NELL1: variants seen among roughly 807,000 people sequenced by gnomAD.
NELL1 encodes the protein neural EGFL like 1, also known as protein kinase C-binding protein NELL1.
Under a neutral mutation model 107.4 loss-of-function variants are expected in NELL1, and 76 were observed. The observed-to-expected ratio is 0.71, with a 90% CI of 0.59 to 0.86. The LOEUF (loss-of-function observed/expected upper bound fraction) is 0.86. NELL1 is among the 40% of genes least tolerant of loss of function. NELL1 has a pLI of 0.00. For missense variants in NELL1, 1,024 were observed against 1,005.5 expected, an observed-to-expected ratio of 1.02 and a Z score of -0.25; for synonymous variants, 353 against 341.2, an observed-to-expected ratio of 1.03 and a Z score of -0.38.
chr11:21,228,127 T>A (rs770563994), intron 13 of NELL1, among the ~76,000 whole-genome samples: 2 of 152,212 alleles, frequency 1.3e-5, no homozygotes, highest in Admixed American at 1.3e-4. Context: ...TTTTTCTTCT[T>A]AAAATTTGTG....
chr11:21,497,506 A>G (rs1317437249), intron 15 of NELL1, among the ~76,000 whole-genome samples: 2 of 152,160 alleles, frequency 1.3e-5, no homozygotes, highest in Non-Finnish European at 2.9e-5. Flanking sequence ...AATAATTGTT[A>G]TTAAATAATT....
intron 12 of NELL1, among the ~76,000 whole-genome samples, chr11:21,044,609 G>A (rs1853313321): frequency 6.6e-6 from 1 of 152,118 alleles, no homozygotes; most frequent in African/African-American, 2.4e-5. Flanking sequence ...GAAGTAGGAA[G>A]GAGGGGACCT....
intron 17 of NELL1, among the ~76,000 whole-genome samples, chr11:21,564,974 G>C (rs933780871): frequency 1.3e-5 from 2 of 151,934 alleles, no homozygotes; most frequent in Non-Finnish European, 2.9e-5. Context: ...ACAAGGAGCA[G>C]TCAGCATACT....
intron 10 of NELL1, among the ~76,000 whole-genome samples, chr11:20,942,394 G>A (rs1850874267): frequency 6.6e-6 from 1 of 152,174 alleles, no homozygotes; most frequent in African/African-American, 2.4e-5. Context: ...TCTCCACTCT[G>A]TGGCAGGGGC....
At chr11:21,053,137 A>T (rs993961498) in intron 12 of NELL1, among the ~76,000 whole-genome samples, 2 of 151,932 alleles carry the variant, frequency 1.3e-5, no homozygotes, top group Non-Finnish European at 2.9e-5. Flanking sequence ...TTTTATTATT[A>T]TACTTTAAGT....
chr11:21,573,542 C>T (rs1272071590), intron 19 of NELL1, 133 bp downstream of exon 19: 13 of 763,162 alleles, frequency 1.7e-5, no homozygotes, highest in African/African-American at 8.8e-5. Context: ...ATTTACTTCT[C>T]ATAGGAATTT....
intron 10 of NELL1, among the ~76,000 whole-genome samples, chr11:20,947,033 C>G (rs1177134553): frequency 6.6e-6 from 1 of 152,112 alleles, no homozygotes; most frequent in African/African-American, 2.4e-5. Flanking sequence ...TTAGGCCCCA[C>G]CGGACCAAGA....
intron 12 of NELL1, among the ~76,000 whole-genome samples, chr11:21,017,019 T>C (rs1244906849): frequency 6.6e-6 from 1 of 152,132 alleles, no homozygotes; most frequent in Non-Finnish European, 1.5e-5. Flanking sequence ...TGCCTCAATT[T>C]TTATGCTGGA....
At chr11:20,702,279 T>C (rs1385157989) in intron 2 of NELL1, among the ~76,000 whole-genome samples, 3 of 152,314 alleles carry the variant, frequency 2.0e-5, no homozygotes. Context: ...CAATTATGAA[T>C]AGGAGTTCAC....
chr11:21,522,169 G>C (rs1020340794), intron 15 of NELL1, among the ~76,000 whole-genome samples: 2 of 151,474 alleles, frequency 1.3e-5, no homozygotes, highest in Admixed American at 1.3e-4. Flanking sequence ...GGGAGGCGGA[G>C]CTTGCAGTGA....
Position 21,192,907 on chromosome 11 carries a change from A to G in NELL1, c.1427-36425A>G, listed in dbSNP as rs181830319. ...TCATCCATTTTCCAGTGTCGAGAGAAAGAGGAAGGCGGACATCGTGGAGTC... is the reference window on the plus strand; with the variant it reads ...TCATCCATTTTCCAGTGTCGAGAGAGAGAGGAAGGCGGACATCGTGGAGTC... On this transcript the variant is annotated intron_variant, in intron 13 of 19. Coordinates refer to ENST00000357134, the MANE Select transcript of NELL1 (RefSeq NM_006157.5). 1.6e-4 allele frequency among the ~76,000 whole-genome samples: 25 copies of G among 151,984 alleles called. 1 individual carries two copies. The highest frequency in any genetic ancestry group is 6.1e-4 in the African/African-American group (25 of 41,290).
intron 3 of NELL1, among the ~76,000 whole-genome samples, chr11:20,802,051 T>C (rs1857290349): frequency 6.6e-6 from 1 of 152,200 alleles, no homozygotes; most frequent in Admixed American, 6.5e-5. Context: ...CAGGATAGCT[T>C]TGGCTATTCT....
At chr11:21,223,041 G>A (rs986492992) in intron 13 of NELL1, among the ~76,000 whole-genome samples, 1 of 152,140 alleles carries the variant, frequency 6.6e-6, no homozygotes, top group African/African-American at 2.4e-5. Context: ...TTCTGGAAAT[G>A]TCTTTTATGT....
chr11:21,314,107 A>G (rs1342608366), intron 14 of NELL1, among the ~76,000 whole-genome samples: 1 of 146,454 alleles, frequency 6.8e-6, no homozygotes, highest in East Asian at 2.1e-4. Flanking sequence ...CCAGGAGCAG[A>G]TGCTGCTGTG....
chr11:21,108,852 C>T (rs2133720146), intron 12 of NELL1, among the ~76,000 whole-genome samples: 2 of 152,268 alleles, frequency 1.3e-5, no homozygotes, highest in Middle Eastern at 3.4e-3. Flanking sequence ...AGAACAAATT[C>T]ATGAATGGCC....
intron 15 of NELL1, among the ~76,000 whole-genome samples, chr11:21,525,740 G>T (rs1855837084): frequency 6.6e-6 from 1 of 152,156 alleles, no homozygotes; most frequent in African/African-American, 2.4e-5. Context: ...CTCACATGGT[G>T]GAGAGAAGAG....
intron 2 of NELL1, among the ~76,000 whole-genome samples, chr11:20,767,614 G>C (rs1161588650): frequency 6.6e-6 from 1 of 152,174 alleles, no homozygotes; most frequent in African/African-American, 2.4e-5. Context: ...AGTCTAGCTG[G>C]CTTCACCTCT....
chr11:21,021,223 C>A (rs144270374), intron 12 of NELL1, among the ~76,000 whole-genome samples: 3,029 of 151,600 alleles, frequency 0.02, 117 homozygotes, highest in African/African-American at 0.07. Flanking sequence ...GTCTCCTGAG[C>A]CAAGCTGCAT....
chr11:21,418,667 C>T (rs1283230061), intron 15 of NELL1, among the ~76,000 whole-genome samples: 1 of 152,034 alleles, frequency 6.6e-6, no homozygotes, highest in Non-Finnish European at 1.5e-5. Context: ...ATATACTTCC[C>T]ACCCTGATAA....
Sources: allele counts gnomAD v4.1 joint callset (sites outside exome capture counted in the v4.1 genomes callset), GRCh38; gene constraint gnomAD v4.1.1; transcripts MANE v1.5; gene names NCBI Gene and HGNC (gene_info 2026-07-23, HGNC 2026-07-21).